Variants in THAP2 observed in about 807,000 individuals in gnomAD.
The protein encoded by THAP2 is THAP domain-containing protein 2.
Under a neutral mutation model 18.8 loss-of-function variants are expected in THAP2, and 16 were observed. The observed-to-expected ratio is 0.85, with a 90% confidence interval of 0.58 to 1.29. The LOEUF is 1.29. Ranked by LOEUF, THAP2 falls within the 50% of genes most tolerant of loss-of-function variation. The probability of loss-of-function intolerance (pLI) is 0.00; values close to 1 mark genes in which losing one functional copy is unlikely to be tolerated. For synonymous variants in THAP2, 80 were observed against 89.2 expected (o/e 0.90, Z 0.58); for missense variants, 251 against 265.3 (o/e 0.95, Z 0.38).
At position 71,674,361 on chromosome 12, in the gene THAP2, C is replaced by T. The variant is rs781060424; in HGVS notation, c.230C>T (p.Pro77Leu). Residue 77 changes from proline to leucine, a missense_variant, in exon 2 of 3, where the codon CCA becomes CTA. Coordinates refer to ENST00000308086, the MANE Select transcript of THAP2 (RefSeq NM_031435.4). ...CGACGACTTAAAATGGATGCTGTTC[C>T]AACCATTTTTGATTTTTGTACCCAT... ...QTRRLKMDAV[P>L]TIFDFCTHIK... is the part of the protein sequence containing the mutation. 6.2e-7 allele frequency: 1 copy of T among 1,610,808 alleles called. No homozygotes were observed. Among genetic ancestry groups the T allele is most frequent in the South Asian group, 1.1e-5 (1 of 90,736 alleles).
chr12:71,678,758 GA>G lies in THAP2; in HGVS notation c.*1652del, dbSNP rs1221183099. The G allele has an allele frequency of 6.6e-6, 1 of 152,058 alleles. No homozygotes were observed. Among genetic ancestry groups the G allele is most frequent in the African/African-American group, 2.4e-5 (1 of 41,390 alleles). The allele number at this position is 152,058 out of a possible 1,614,324, so 9.4% of individuals were successfully genotyped here. ...CAGTATTAGCACTCTCTTTACTAAG[GA>G]ATGCCTCCCAAGGAAATGCAAAGGT... On this transcript the variant is annotated 3_prime_UTR_variant, in exon 3 of 3. Transcript: ENST00000308086.
At chr12:71,670,783 A>G (rs1163872077) in intron 1 of THAP2, among the ~76,000 whole-genome samples, 1 of 151,916 alleles carries the variant, frequency 6.6e-6, no homozygotes, top group Non-Finnish European at 1.5e-5. Flanking sequence ...TATTAAAAAT[A>G]CAAAAATTAA....
chr12:71,664,791 C>T, intron 1 of THAP2: 1 of 720,356 alleles, frequency 1.4e-6, no homozygotes, highest in East Asian at 2.7e-5. Flanking sequence ...AATCCAAGTA[C>T]TGTTTGGTCA....
chr12:71,676,571 G>A lies in THAP2; in HGVS notation c.268-118G>A, dbSNP rs372744367. On this transcript the variant is annotated intron_variant, in intron 2 of 2. Transcript: ENST00000308086. Reference sequence around the variant, plus strand: ...ATGGCTGCTGCTGTTTCCTATTAAAGTTTTAAAATTGACTTTTAAAAGAGC... The same window carrying A: ...ATGGCTGCTGCTGTTTCCTATTAAAATTTTAAAATTGACTTTTAAAAGAGC... 9 of 1,055,938 alleles carry A rather than the reference G, an allele frequency of 8.5e-6. No individual in the cohort carries two copies. In the African/African-American group the frequency reaches 1.3e-4, roughly 15 times the overall value. The allele number at this position is 1,055,938 out of a possible 1,614,324, so 65.4% of individuals were successfully genotyped here.
intron 1 of THAP2, among the ~76,000 whole-genome samples, chr12:71,671,902 C>T (rs972494876): frequency 6.6e-6 from 1 of 152,140 alleles, no homozygotes; most frequent in African/African-American, 2.4e-5. Flanking sequence ...CTTTGAAAGG[C>T]AGTACCTTAC....
intron 1 of THAP2, among the ~76,000 whole-genome samples, chr12:71,668,232 A>C (rs528703850): frequency 6.7e-4 from 102 of 152,258 alleles, no homozygotes; most frequent in African/African-American, 2.4e-3. Flanking sequence ...GCTGATTCCT[A>C]TAATTTTTAA....
At chr12:71,665,179 T>A (rs1322468548) in intron 1 of THAP2, 1 of 531,008 alleles carries the variant, frequency 1.9e-6, no homozygotes, top group Non-Finnish European at 3.3e-6. Flanking sequence ...ATTCTTTAGT[T>A]CTGTCAAACC....
chr12:71,673,307 G>A lies in THAP2; in HGVS notation c.72-896G>A, dbSNP rs191393981. On this transcript the variant is annotated intron_variant, in intron 1 of 2. Transcript: ENST00000308086. ...TTCTTAATTTTTTTGATGTTTCCAG[G>A]CTACATGGTTTGTCTGCAAGTTTTT... 5.0e-3 allele frequency among the ~76,000 whole-genome samples: 757 copies of A among 151,446 alleles called. 1 individual carries two copies. The highest frequency in any genetic ancestry group is 0.017 in the African/African-American group (720 of 41,242).
Position 71,664,537 on chromosome 12 carries a change from T to A in THAP2, c.28T>A (p.Cys10Ser). 1 of 1,614,174 alleles carries A rather than the reference T, an allele frequency of 6.2e-7. No individual in the cohort carries two copies. Among genetic ancestry groups the A allele is most frequent in the Non-Finnish European group, 8.5e-7 (1 of 1,180,022 alleles). The stretch of plus-strand genomic sequence containing the variant: ...GCCGACCAATTGCGCTGCGGCGGGC[T>A]GTGCCACTACCTACAACAAGCACAT... MPTNCAAAGCATTYNKHINI... is the reference protein window; with the variant it reads MPTNCAAAGSATTYNKHINI... Residue 10 changes from cysteine (C) to serine (S), a missense_variant, in exon 1 of 3, where the codon TGT becomes AGT. By Grantham distance (112) the Cys-to-Ser change is moderately radical. Coordinates refer to ENST00000308086, the MANE Select transcript of THAP2 (RefSeq NM_031435.4).
At chr12:71,667,033 T>C (rs1881355257) in intron 1 of THAP2, among the ~76,000 whole-genome samples, 1 of 152,140 alleles carries the variant, frequency 6.6e-6, no homozygotes. Context: ...CGCCTGGCCA[T>C]TAGTAGACTT....
intron 2 of THAP2, among the ~76,000 whole-genome samples, chr12:71,675,112 G>C (rs971119221): frequency 6.6e-6 from 1 of 152,116 alleles, no homozygotes; most frequent in Non-Finnish European, 1.5e-5. Flanking sequence ...AGCTGGGAAA[G>C]ACAGGGTCAC....
chr12:71,668,947 C>A (rs1330240602), intron 1 of THAP2, among the ~76,000 whole-genome samples: 2 of 152,160 alleles, frequency 1.3e-5, no homozygotes, highest in African/African-American at 4.8e-5. Context: ...AAAATCCAAA[C>A]AACACATCCA....
At chr12:71,671,920 G>T (rs955941301) in intron 1 of THAP2, among the ~76,000 whole-genome samples, 2 of 152,106 alleles carry the variant, frequency 1.3e-5, no homozygotes, top group Admixed American at 1.3e-4. Flanking sequence ...TACTGGCAGC[G>T]TACTTCCTAA....
At position 71,679,771 on chromosome 12, in the gene THAP2, T is replaced by G. The variant is rs1375889856; in HGVS notation, c.*2663T>G. 2 of 152,170 alleles carry G rather than the reference T, an allele frequency of 1.3e-5. No individual in the cohort carries two copies. Among genetic ancestry groups the G allele is most frequent in the Non-Finnish European group, 2.9e-5 (2 of 68,014 alleles). 9.4% of individuals were successfully genotyped at this position (152,170 alleles called of 1,614,324 possible). A position where few individuals can be genotyped will look rare whatever the true frequency, so the allele number is the denominator to read the frequency against. ...AGTAAGAACTATAAACTGTAGACCT[T>G]TTTATAATCAAATGCTTTTGTCTTG... is the stretch of plus-strand genomic sequence containing the variant. On this transcript the variant is annotated 3_prime_UTR_variant, in exon 3 of 3. Transcript: ENST00000308086.
rs1881565062 is a variant in THAP2, at chr12:71,679,201, C to T, written c.*2093C>T. On this transcript the variant is annotated 3_prime_UTR_variant, in exon 3 of 3. Coordinates refer to ENST00000308086, the MANE Select transcript of THAP2 (RefSeq NM_031435.4). ...AAAAATAAAATATTGTAAAATACAA[C>T]AAATTTTGGACAAGGTTACTTCATC... 1 of 151,966 alleles carries T rather than the reference C, an allele frequency of 6.6e-6. No homozygotes were observed. The highest frequency in any genetic ancestry group is 1.5e-5 in the Non-Finnish European group (1 of 67,952). The allele number at this position is 151,966 out of a possible 1,614,324, so 9.4% of individuals were successfully genotyped here.
intron 1 of THAP2, among the ~76,000 whole-genome samples, chr12:71,670,499 GA>G (rs1291884178): frequency 1.3e-5 from 2 of 152,122 alleles, no homozygotes; most frequent in African/African-American, 4.8e-5. Context: ...CCACACAGTT[GA>G]AAATCGGAGT....
Position 71,676,753 on chromosome 12 carries a change from TA to T in THAP2, c.336del (p.Lys112AsnfsTer34). ...NSCSPAGPSN[L>X]KSNISSQQVL... ...TGTTCTCCAGCTGGACCATCTAATTTAAAATCAAACATTAGTAGTCAGCAAG... is the reference window on the plus strand; with the variant it reads ...TGTTCTCCAGCTGGACCATCTAATTTAAATCAAACATTAGTAGTCAGCAAG... On this transcript the variant is annotated frameshift_variant, in exon 3 of 3. Transcript: ENST00000308086. LOFTEE classifies it high-confidence loss of function. 1.9e-6 allele frequency: 3 copies of T among 1,608,996 alleles called. No individual in the cohort carries two copies. Among genetic ancestry groups the T allele is most frequent in the Non-Finnish European group, 2.5e-6 (3 of 1,178,138 alleles).
chr12:71,674,388 T>A lies in THAP2; in HGVS notation c.257T>A (p.Ile86Lys). 6.2e-7 allele frequency: 1 copy of A among 1,606,358 alleles called. No individual in the cohort carries two copies. The highest frequency in any genetic ancestry group is 8.5e-7 in the Non-Finnish European group (1 of 1,175,184). Residue 86 changes from isoleucine to lysine, a missense_variant, in exon 2 of 3, where the codon ATA (isoleucine) becomes AAA (lysine). Physicochemically the swap from Ile to Lys is moderately radical, Grantham distance 102. Coordinates refer to ENST00000308086, the MANE Select transcript of THAP2 (RefSeq NM_031435.4). ...VPTIFDFCTH[I>K]KSMKLKSRNL... ...ACCATTTTTGATTTTTGTACCCATA[T>A]AAAGTCTATGGTAGGTAATGTTACT...
At chr12:71,675,565 T>G (rs895377020) in intron 2 of THAP2, among the ~76,000 whole-genome samples, 1 of 152,088 alleles carries the variant, frequency 6.6e-6, no homozygotes, top group Non-Finnish European at 1.5e-5. Context: ...GTAGGTTTCA[T>G]GAGGATAGGA....
Sources: allele counts gnomAD v4.1 joint callset (sites outside exome capture counted in the v4.1 genomes callset), GRCh38; gene constraint gnomAD v4.1.1; transcripts MANE v1.5; gene names NCBI Gene and HGNC (gene_info 2026-07-23, HGNC 2026-07-21).